PPFIA4: variants seen among roughly 807,000 people sequenced by gnomAD.
The protein encoded by PPFIA4 is PPFI scaffold protein A4.
PPFIA4 carries 98 observed loss-of-function variants against 145.7 expected under a neutral mutation model. That is an observed-to-expected ratio of 0.67 (90% CI 0.57 to 0.80). The LOEUF (loss-of-function observed/expected upper bound fraction) is 0.80, where lower values mean the gene tolerates loss of function less well. Among genes scored for constraint, PPFIA4 ranks in the 30% least tolerant of loss-of-function variants. The pLI is 0.00. For missense variants in PPFIA4, 1,457 were observed against 1,632.7 expected, an observed-to-expected ratio of 0.89 and a Z score of 1.85; for synonymous variants, 628 against 649.6, an observed-to-expected ratio of 0.97 and a Z score of 0.51.
intron 14 of PPFIA4, among the ~76,000 whole-genome samples, chr1:203,052,428 C>T (rs904587105): frequency 2.0e-5 from 3 of 152,018 alleles, no homozygotes; most frequent in East Asian, 3.9e-4. Flanking sequence ...TGCAATTATT[C>T]GTCATGCTCT....
chr1:203,051,228 C>A (rs766080175), intron 13 of PPFIA4: 30 of 985,296 alleles, frequency 3.0e-5, no homozygotes, highest in Non-Finnish European at 3.6e-5. Flanking sequence ...CCTCCTAAAG[C>A]TTCCTAGGCA....
At position 203,053,686 on chromosome 1, in the gene PPFIA4, G is replaced by A; in HGVS notation, c.1621-67G>A. On this transcript the variant is annotated intron_variant, in intron 14 of 29. Coordinates refer to ENST00000295706, the MANE Select transcript of PPFIA4 (RefSeq NM_001304331.2). Reference sequence around the variant, plus strand: ...TGCCAGTGCTGGTGGGTAGAGGTAGGGAGGGTCCTGCTCTGCAGTTATCTG... The same window carrying A: ...TGCCAGTGCTGGTGGGTAGAGGTAGAGAGGGTCCTGCTCTGCAGTTATCTG... 2.9e-6 allele frequency: 4 copies of A among 1,370,378 alleles called. No individual in the cohort carries two copies. The Admixed American group carries it at 7.9e-5, about 27-fold the overall frequency. 84.9% of individuals were successfully genotyped at this position (1,370,378 alleles called of 1,614,324 possible). A position where few individuals can be genotyped will look rare whatever the true frequency, so the allele number is the denominator to read the frequency against.
rs1183618191 is a variant in PPFIA4 at position 203,075,595 on chromosome 1, C to T, written c.3412C>T (p.Arg1138Cys). ...GGTGCAGGGGGATGACAAGGTGTTT[C>T]GCCGCGCGCCCTCCTGGAGGAAGCG... is the stretch of plus-strand genomic sequence containing the variant. Reference protein sequence around the residue: ...KLDDGDDKVFRRAPSWRKRFR... With the variant: ...KLDDGDDKVFCRAPSWRKRFR... The change falls in exon 29 of 30, where the codon CGC (arginine) becomes TGC (cysteine). Residue 1138 changes from arginine to cysteine, a missense_variant. Coordinates refer to ENST00000295706, the MANE Select transcript of PPFIA4 (RefSeq NM_001304331.2). The surrounding 1 kb of genome is among the most constrained non-coding windows in gnomAD (Gnocchi z 4.1). 2.1e-6 allele frequency: 3 copies of T among 1,462,094 alleles called. No individual in the cohort carries two copies. The highest frequency in any genetic ancestry group is 2.7e-5 in the East Asian group (1 of 36,592). The allele number at this position is 1,462,094 out of a possible 1,614,324, so 90.6% of individuals were successfully genotyped here.
chr1:203,053,176 C>A (rs1397760343), intron 14 of PPFIA4, among the ~76,000 whole-genome samples: 1 of 152,230 alleles, frequency 6.6e-6, no homozygotes, highest in Non-Finnish European at 1.5e-5. Context: ...AAAGCCGTCT[C>A]TCTCTGGATT....
intron 12 of PPFIA4, among the ~76,000 whole-genome samples, chr1:203,049,365 G>A (rs1395390085): frequency 6.6e-6 from 1 of 152,168 alleles, no homozygotes; most frequent in Admixed American, 6.5e-5. Flanking sequence ...GCCCTCTGCT[G>A]CCCAGCCTCA....
chr1:203,038,368 C>T (rs915821975), intron 1 of PPFIA4, among the ~76,000 whole-genome samples: 3 of 152,182 alleles, frequency 2.0e-5, no homozygotes, highest in African/African-American at 7.2e-5. Flanking sequence ...ACTGCCACTG[C>T]GGCTGCACTT....
chr1:203,056,247 G>A, intron 17 of PPFIA4, 92 bp downstream of exon 17: 1 of 1,604,436 alleles, frequency 6.2e-7, no homozygotes. Flanking sequence ...TTGAGTCTGA[G>A]TCTGAACTCA....
chr1:203,044,098 G>A lies in PPFIA4; in HGVS notation c.501+3G>A. 1 of 1,570,604 alleles carries A rather than the reference G, an allele frequency of 6.4e-7. No homozygotes were observed. The highest frequency in any genetic ancestry group is 1.7e-4 in the Middle Eastern group (1 of 5,894). Reference sequence around the variant, plus strand: ...ACCACAAGGCCCTGGATGAGAAGGTGCCCACCTGCCCGCCAGCCCCCACAT... The same window carrying A: ...ACCACAAGGCCCTGGATGAGAAGGTACCCACCTGCCCGCCAGCCCCCACAT... On this transcript the variant is annotated splice_donor_region_variant and intron_variant, in intron 4 of 29. Coordinates refer to ENST00000295706, the MANE Select transcript of PPFIA4 (RefSeq NM_001304331.2).
At position 203,078,526 on chromosome 1, in the gene PPFIA4, TG is replaced by T. The variant is rs1319828334; in HGVS notation, c.*2138del. 7.2e-5 allele frequency: 11 copies of T among 152,690 alleles called. No individual in the cohort carries two copies. The highest frequency in any genetic ancestry group is 2.6e-4 in the African/African-American group (11 of 41,536). 9.5% of individuals were successfully genotyped at this position (152,690 alleles called of 1,614,324 possible). A position where few individuals can be genotyped will look rare whatever the true frequency, so the allele number is the denominator to read the frequency against. ...AAACAGTGATGGAAGGCTGTTGTCTTGGTGTATCCCTTGCCTCATAGTCAAT... is the reference window on the plus strand; with the variant it reads ...AAACAGTGATGGAAGGCTGTTGTCTTGTGTATCCCTTGCCTCATAGTCAAT... On this transcript the variant is annotated 3_prime_UTR_variant, in exon 30 of 30. Transcript: ENST00000295706.
chr1:203,070,519 C>A (rs1200258363), intron 27 of PPFIA4, among the ~76,000 whole-genome samples: 1 of 143,748 alleles, frequency 7.0e-6, no homozygotes, highest in Non-Finnish European at 1.5e-5. Flanking sequence ...GAGTTTAAGG[C>A]TGCAGTGAGC....
chr1:203,047,652 A>G (rs1365667512), intron 9 of PPFIA4, among the ~76,000 whole-genome samples: 2 of 152,126 alleles, frequency 1.3e-5, no homozygotes, highest in Non-Finnish European at 2.9e-5. Flanking sequence ...TGCGGGGCTA[A>G]CATTTGTTGA....
chr1:203,062,381 G>A (rs1305636689), intron 24 of PPFIA4, among the ~76,000 whole-genome samples: 2 of 148,798 alleles, frequency 1.3e-5, no homozygotes, highest in African/African-American at 2.5e-5. Flanking sequence ...TCGTGAGGCT[G>A]AGGCAGGAGA....
rs1662531291 is a variant in PPFIA4, at chr1:203,076,237, T to G, written c.3575-104T>G. Reference sequence around the variant, plus strand: ...CGTCTGGCCTGGGGCGCTTTGCGCTTGGAGCACGCTGCGTTGCCGCTGTCG... The same window carrying G: ...CGTCTGGCCTGGGGCGCTTTGCGCTGGGAGCACGCTGCGTTGCCGCTGTCG... On this transcript the variant is annotated intron_variant, in intron 29 of 29. Transcript: ENST00000295706. 2.0e-5 allele frequency: 26 copies of G among 1,320,502 alleles called. 2 individuals carry two copies. In the South Asian group the frequency reaches 2.9e-4, roughly 15 times the overall value. 81.8% of individuals were successfully genotyped at this position (1,320,502 alleles called of 1,614,324 possible).
Position 203,076,555 on chromosome 1 carries a change from A to G in PPFIA4, c.*165A>G. On this transcript the variant is annotated 3_prime_UTR_variant, in exon 30 of 30. Transcript: ENST00000295706. Reference sequence around the variant, plus strand: ...TCGTCCACCCCCTCGGCACCCCATTACCCCGAGTCCCACCGTGTGTCCGTT... The same window carrying G: ...TCGTCCACCCCCTCGGCACCCCATTGCCCCGAGTCCCACCGTGTGTCCGTT... The G allele has an allele frequency of 1.5e-6, 1 of 662,468 alleles. No homozygotes were observed. Among genetic ancestry groups the G allele is most frequent in the Non-Finnish European group, 2.6e-6 (1 of 383,828 alleles). The allele number at this position is 662,468 out of a possible 1,614,324, so 41.0% of individuals were successfully genotyped here. A position where few individuals can be genotyped will look rare whatever the true frequency, so the allele number is the denominator to read the frequency against.
chr1:203,033,748 G>A (rs1352593306), intron 1 of PPFIA4, among the ~76,000 whole-genome samples: 2 of 152,160 alleles, frequency 1.3e-5, no homozygotes, highest in African/African-American at 4.8e-5. Context: ...GGAGGCCGAG[G>A]TGGGCAGACA....
chr1:203,038,029 C>T (rs935920315), intron 1 of PPFIA4, among the ~76,000 whole-genome samples: 8 of 152,156 alleles, frequency 5.3e-5, no homozygotes, highest in Non-Finnish European at 1.2e-4. Flanking sequence ...TCTCTGCCTG[C>T]CCCAGTACCC....
rs773018743 is a variant in PPFIA4 at position 203,063,883 on chromosome 1, GC to G, written c.2932del (p.Leu978TrpfsTer32). On this transcript the variant is annotated frameshift_variant, in exon 25 of 30. Coordinates refer to ENST00000295706, the MANE Select transcript of PPFIA4 (RefSeq NM_001304331.2). LOFTEE classifies it high-confidence loss of function. Reference sequence around the variant, plus strand: ...TGGATTGGGAATGAATGGCTACCCAGCCTGGGGCTCCCGCAGTACCGCAGCT... The same window carrying G: ...TGGATTGGGAATGAATGGCTACCCAGCTGGGGCTCCCGCAGTACCGCAGCT... ...HEWIGNEWLP[S>X]LGLPQYRSYF... 1 of 1,614,078 alleles carries G rather than the reference GC, an allele frequency of 6.2e-7. No homozygotes were observed. The highest frequency in any genetic ancestry group is 8.5e-7 in the Non-Finnish European group (1 of 1,179,918).
In PPFIA4 at chr1:203,060,356, G is replaced by C; in HGVS notation, c.2723G>C (p.Arg908Pro). The C allele has an allele frequency of 6.2e-7, 1 of 1,613,972 alleles. No individual in the cohort carries two copies. Among genetic ancestry groups the C allele is most frequent in the Non-Finnish European group, 8.5e-7 (1 of 1,179,912 alleles). ...AATGCCCTGCACCGGCTCAAGCTCC[G>C]CCTGGCCATTCAGGAGATGGTGTCA... Reference protein sequence around the residue: ...ISNALHRLKLRLAIQEMVSLT... With the variant: ...ISNALHRLKLPLAIQEMVSLT... Residue 908 changes from arginine (R) to proline (P), a missense_variant, in exon 22 of 30, where the codon CGC becomes CCC. By Grantham distance (103) the Arg-to-Pro change is moderately radical (BLOSUM62 -2). This residue lies in a region of PPFIA4 where 848 missense variants were observed against 1,046.7 expected (regional missense o/e 0.81). Coordinates refer to ENST00000295706, the MANE Select transcript of PPFIA4 (RefSeq NM_001304331.2). This position sits in a 1 kb window ranked among gnomAD's most constrained non-coding sequence, Gnocchi z 4.8.
chr1:203,058,240 G>A (rs1039612574), intron 19 of PPFIA4, among the ~76,000 whole-genome samples: 3 of 152,160 alleles, frequency 2.0e-5, no homozygotes, highest in Non-Finnish European at 4.4e-5. Flanking sequence ...GAGGAGGTTG[G>A]GGAAAGAGGA....
Sources: allele counts gnomAD v4.1 joint callset (sites outside exome capture counted in the v4.1 genomes callset), GRCh38; gene constraint gnomAD v4.1.1; regional missense constraint gnomAD v4.1.1; non-coding constraint Gnocchi (gnomAD v3.1); transcripts MANE v1.5; gene names NCBI Gene and HGNC (gene_info 2026-07-23, HGNC 2026-07-21).